TXNDC11: variants seen among roughly 807,000 people sequenced by gnomAD.
TXNDC11 encodes thioredoxin domain-containing protein 11.
In TXNDC11, 68 loss-of-function variants were observed where a neutral mutation model predicts 78.0. The ratio of observed to expected loss-of-function variants is 0.87; its 90% CI spans 0.72 to 1.07. The LOEUF is 1.07. Ranked by LOEUF, TXNDC11 falls within the 50% of genes least tolerant of loss-of-function variation. The pLI is 0.00. For synonymous variants in TXNDC11, 571 were observed against 495.2 expected (o/e 1.15, Z -2.03); for missense variants, 1,389 against 1,221.8 (o/e 1.14, Z -2.04).
At chr16:11,682,447 C>T (rs2050446955) in intron 11 of TXNDC11, among the ~76,000 whole-genome samples, 1 of 152,166 alleles carries the variant, frequency 6.6e-6, no homozygotes, top group Admixed American at 6.5e-5. Context: ...TTCACGTTTC[C>T]CACACCAGGC....
At chr16:11,739,499 G>C (rs578222727) in intron 1 of TXNDC11, among the ~76,000 whole-genome samples, 2 of 152,204 alleles carry the variant, frequency 1.3e-5, no homozygotes, top group East Asian at 3.9e-4. Context: ...CCTGTGAATA[G>C]CCACTGCACT....
intron 11 of TXNDC11, among the ~76,000 whole-genome samples, chr16:11,680,676 G>A (rs2050400661): frequency 6.6e-6 from 1 of 152,126 alleles, no homozygotes; most frequent in African/African-American, 2.4e-5. Context: ...GGTATGAGGT[G>A]GGCCGGCAGC....
At chr16:11,696,295 C>T (rs1351246221) in intron 7 of TXNDC11, among the ~76,000 whole-genome samples, 1 of 152,174 alleles carries the variant, frequency 6.6e-6, no homozygotes, top group African/African-American at 2.4e-5. Flanking sequence ...GTCTCGAATA[C>T]TTCACCCATC....
rs1311190696 is a variant in TXNDC11, at chr16:11,736,183, G to A, written c.305C>T (p.Ser102Phe). The part of the protein sequence containing the change: ...IPAKPPVSFF[S>F]LRSPVLDLFQ... ...GAGGTCAAGGACTGGAGACCTCAAG[G>A]AGAAAAAGCTGACAGGTGGCTTTGC... Residue 102 changes from serine (S) to phenylalanine (F), a missense_variant, in exon 2 of 12, where the codon TCC becomes TTC. Transcript: ENST00000283033. The A allele has an allele frequency of 5.0e-6, 8 of 1,614,048 alleles. No individual in the cohort carries two copies. The highest frequency in any genetic ancestry group is 6.8e-6 in the Non-Finnish European group (8 of 1,179,962).
intron 4 of TXNDC11, among the ~76,000 whole-genome samples, 167 bp downstream of exon 4, chr16:11,730,478 C>T (rs2052013449): frequency 6.6e-6 from 1 of 152,190 alleles, no homozygotes; most frequent in South Asian, 2.1e-4. Context: ...ACAAACCATC[C>T]TTATAATCAG....
At chr16:11,722,430 T>C (rs149056181) in intron 4 of TXNDC11, among the ~76,000 whole-genome samples, 2 of 152,378 alleles carry the variant, frequency 1.3e-5, no homozygotes, top group Admixed American at 6.5e-5. Context: ...TTCTTCCTTC[T>C]TGGAAGGCCC....
intron 4 of TXNDC11, among the ~76,000 whole-genome samples, chr16:11,724,282 C>T (rs2051807775): frequency 6.6e-6 from 1 of 151,840 alleles, no homozygotes; most frequent in African/African-American, 2.4e-5. Context: ...GACTCTGTCT[C>T]AAAAAAACAA....
At chr16:11,698,103 C>T (rs757610511) in intron 7 of TXNDC11, 22 bp downstream of exon 7, 1 of 1,612,534 alleles carries the variant, frequency 6.2e-7, no homozygotes, top group Non-Finnish European at 8.5e-7. Context: ...TCATGAGGTG[C>T]TTTTCACATC....
In TXNDC11 at chr16:11,684,164, C is replaced by G. The variant is rs767716770; in HGVS notation, c.2234+1G>C. On this transcript the variant is annotated splice_donor_variant, in intron 11 of 11. Coordinates refer to ENST00000283033, the MANE Select transcript of TXNDC11 (RefSeq NM_015914.7). LOFTEE classifies it high-confidence loss of function. ...CACCAGTGACAAAAATTTGGCATTACCTGTTGCAGGGAAAAAACAAGACAG... is the reference window on the plus strand; with the variant it reads ...CACCAGTGACAAAAATTTGGCATTAGCTGTTGCAGGGAAAAAACAAGACAG... The G allele has an allele frequency of 1.2e-6, 2 of 1,613,090 alleles. No homozygotes were observed. The highest frequency in any genetic ancestry group is 2.7e-5 in the African/African-American group (2 of 74,880).
At chr16:11,717,638 G>GTTT (rs1567332718) in intron 5 of TXNDC11, among the ~76,000 whole-genome samples, 1 of 151,736 alleles carries the variant, frequency 6.6e-6, no homozygotes, top group African/African-American at 2.4e-5. Flanking sequence ...TGGCCAACAT[G>GTTT]GTGAAACCCC....
rs1384251856 is a variant in TXNDC11 at position 11,735,094 on chromosome 16, T to C, written c.471+923A>G. On this transcript the variant is annotated intron_variant, in intron 2 of 11. Transcript: ENST00000283033. ...ATGTGAATCTAAAGCATGCTTTTTG[T>C]GTTCACTGAATTTTTCAGGAATGCA... is the stretch of plus-strand genomic sequence containing the variant. Among the ~76,000 whole-genome samples, 49 of 152,272 alleles carry C rather than the reference T, an allele frequency of 3.2e-4. 1 individual carries two copies. Among genetic ancestry groups the C allele is most frequent in the Admixed American group, 3.2e-3 (49 of 15,292 alleles).
chr16:11,715,141 A>G (rs747032759), intron 5 of TXNDC11, among the ~76,000 whole-genome samples: 1 of 152,118 alleles, frequency 6.6e-6, no homozygotes, highest in South Asian at 2.1e-4. Flanking sequence ...AGTCCCAGCT[A>G]CTCGAGAAGC....
intron 3 of TXNDC11, among the ~76,000 whole-genome samples, chr16:11,732,349 C>G (rs556111123): frequency 1.1e-3 from 174 of 152,280 alleles, no homozygotes; most frequent in African/African-American, 4.0e-3. Context: ...ACTACACCCC[C>G]CCACTAGGCT....
At chr16:11,717,035 G>A (rs984406483) in intron 5 of TXNDC11, among the ~76,000 whole-genome samples, 3 of 151,110 alleles carry the variant, frequency 2.0e-5, no homozygotes, top group South Asian at 2.1e-4. Context: ...TAAAGCCAGG[G>A]AGCATAAAGT....
chr16:11,726,947 G>A (rs2051898240), intron 4 of TXNDC11, among the ~76,000 whole-genome samples: 1 of 152,120 alleles, frequency 6.6e-6, no homozygotes, highest in African/African-American at 2.4e-5. Context: ...CAGCTACTGA[G>A]GAGGCTGAGG....
rs746529259 is a variant in TXNDC11 at position 11,734,033 on chromosome 16, C to T, written c.518G>A (p.Arg173Lys). The T allele has an allele frequency of 3.7e-6, 6 of 1,605,182 alleles. No homozygotes were observed. In the Admixed American group the frequency reaches 1.0e-4, roughly 28 times the overall value. The change falls in exon 3 of 12, where the codon AGA becomes AAA. Residue 173 changes from arginine (R) to lysine (K), a missense_variant. By Grantham distance (26) the Arg-to-Lys change is conservative (BLOSUM62 2). Transcript: ENST00000283033. Reference sequence around the variant, plus strand: ...AAAATAAAAGAAGTGTTTCTGTTTTCTGCATTTCCCCTGGTTCCACCAACA... The same window carrying T: ...AAAATAAAAGAAGTGTTTCTGTTTTTTGCATTTCCCCTGGTTCCACCAACA... ...INCWWNQGKC[R>K]KQKHFFYFPV...
At chr16:11,726,991 T>C (rs1166079809) in intron 4 of TXNDC11, among the ~76,000 whole-genome samples, 1 of 152,078 alleles carries the variant, frequency 6.6e-6, no homozygotes, top group Non-Finnish European at 1.5e-5. Flanking sequence ...AGGTGGAGGT[T>C]GCGGTGAGAC....
At chr16:11,709,579 C>T (rs1004082493) in intron 5 of TXNDC11, among the ~76,000 whole-genome samples, 2 of 151,290 alleles carry the variant, frequency 1.3e-5, no homozygotes, top group South Asian at 2.1e-4. Flanking sequence ...GGACTACAGG[C>T]GCCCGCTACC....
At chr16:11,733,027 C>T (rs2052100258) in intron 3 of TXNDC11, among the ~76,000 whole-genome samples, 1 of 152,134 alleles carries the variant, frequency 6.6e-6, no homozygotes, top group Non-Finnish European at 1.5e-5. Flanking sequence ...ACAGCAGGGT[C>T]TGGGCTGTAC....
Sources: allele counts gnomAD v4.1 joint callset (sites outside exome capture counted in the v4.1 genomes callset), GRCh38; gene constraint gnomAD v4.1.1; transcripts MANE v1.5; gene names NCBI Gene and HGNC (gene_info 2026-07-23, HGNC 2026-07-21).